Variants in ZPLD1 observed in about 807,000 individuals in gnomAD.
The protein encoded by ZPLD1 is zona pellucida like domain containing 1.
ZPLD1 carries 34 observed loss-of-function variants against 47.2 expected under a neutral mutation model. The observed-to-expected ratio is 0.72, with a 90% CI of 0.55 to 0.96. The LOEUF (loss-of-function observed/expected upper bound fraction) is 0.96. Among genes scored for constraint, ZPLD1 ranks in the 40% least tolerant of loss-of-function variants. The pLI is 0.00. For synonymous variants in ZPLD1, 176 were observed against 186.2 expected, an observed-to-expected ratio of 0.95 and a Z score of 0.45; for missense variants, 512 against 505.8, an observed-to-expected ratio of 1.01 and a Z score of -0.12.
At chr3:102,416,530 AAC>A (rs1156754298) in intron 7 of ZPLD1, among the ~76,000 whole-genome samples, 1 of 151,952 alleles carries the variant, frequency 6.6e-6, no homozygotes, top group Non-Finnish European at 1.5e-5. Flanking sequence ...TATAGAGTAA[AAC>A]ACACATGAGT....
intron 6 of ZPLD1, among the ~76,000 whole-genome samples, chr3:102,390,136 T>C (rs1706478710): frequency 6.6e-6 from 1 of 152,178 alleles, no homozygotes; most frequent in Non-Finnish European, 1.5e-5. Flanking sequence ...GTCTCAGTAG[T>C]TTCTGTGAGA....
At chr3:102,425,715 A>G (rs1270205498) in intron 8 of ZPLD1, among the ~76,000 whole-genome samples, 1 of 151,986 alleles carries the variant, frequency 6.6e-6, no homozygotes, top group Admixed American at 6.6e-5. Context: ...ATTTTCTTAG[A>G]TTATGTTCAT....
exon 8 of ZPLD1, chr3:102,418,066 C>A (rs62274729): frequency 0.16 from 24,921 of 151,740 alleles, 2,121 homozygotes; most frequent in Middle Eastern, 0.22. Context: ...AAAGACATTT[C>A]AAAAAGAGCA....
At chr3:102,388,815 G>A (rs933091568) in intron 6 of ZPLD1, among the ~76,000 whole-genome samples, 3 of 152,140 alleles carry the variant, frequency 2.0e-5, no homozygotes, top group Non-Finnish European at 2.9e-5. Context: ...CTGGGGGGGT[G>A]AGGAATCAGG....
chr3:102,425,037 A>C (rs1202500164), intron 8 of ZPLD1, among the ~76,000 whole-genome samples: 1 of 151,242 alleles, frequency 6.6e-6, no homozygotes, highest in Non-Finnish European at 1.5e-5. Flanking sequence ...ATTTCTTTTT[A>C]GTGAAGAAAG....
At chr3:102,445,106 T>A (rs542015879) in intron 3 of ZPLD1, among the ~76,000 whole-genome samples, 2 of 152,298 alleles carry the variant, frequency 1.3e-5, no homozygotes, top group African/African-American at 4.8e-5. Flanking sequence ...TAGCTGCCTT[T>A]TGATGTGGAC....
chr3:102,461,027 A>G (rs1239360691), intron 6 of ZPLD1, among the ~76,000 whole-genome samples: 1 of 151,946 alleles, frequency 6.6e-6, no homozygotes, highest in Non-Finnish European at 1.5e-5. Flanking sequence ...TTTTAAGTAT[A>G]TCTCTTATAT....
chr3:102,470,391 C>T lies in ZPLD1; in HGVS notation c.934-3C>T, dbSNP rs781168908. The T allele has an allele frequency of 3.1e-6, 5 of 1,613,462 alleles. No homozygotes were observed. Among genetic ancestry groups the T allele is most frequent in the Non-Finnish European group, 3.4e-6 (4 of 1,179,472 alleles). On this transcript the variant is annotated splice_polypyrimidine_tract_variant and splice_region_variant and intron_variant, in intron 9 of 11. Transcript: ENST00000466937. ...ATTTCATTTGTTTTCATTAACACCT[C>T]AGATTTGCAGCCACAGAGAAAGGAG...
intron 1 of ZPLD1, among the ~76,000 whole-genome samples, chr3:102,435,436 G>T (rs1215441070): frequency 6.6e-6 from 1 of 152,162 alleles, no homozygotes; most frequent in Non-Finnish European, 1.5e-5. Flanking sequence ...TTGTATTGTA[G>T]CTTAGCTCTA....
At chr3:102,463,805 C>T (rs898624481) in intron 7 of ZPLD1, among the ~76,000 whole-genome samples, 3 of 150,014 alleles carry the variant, frequency 2.0e-5, no homozygotes, top group Admixed American at 6.7e-5. Context: ...TTTGGGAGGC[C>T]GAGGAGGGTG....
At chr3:102,426,334 A>G (rs1445030096) in intron 8 of ZPLD1, among the ~76,000 whole-genome samples, 1 of 152,106 alleles carries the variant, frequency 6.6e-6, no homozygotes. Context: ...CCTGGCCAAC[A>G]TGGTGAAACC....
intron 1 of ZPLD1, among the ~76,000 whole-genome samples, chr3:102,436,073 A>G (rs945811399): frequency 1.2e-4 from 19 of 152,214 alleles, no homozygotes; most frequent in African/African-American, 4.6e-4. Flanking sequence ...CCTCGTATTC[A>G]TTAAAAAATG....
chr3:102,394,673 T>C (rs192462588), intron 7 of ZPLD1, among the ~76,000 whole-genome samples: 1 of 152,280 alleles, frequency 6.6e-6, no homozygotes, highest in African/African-American at 2.4e-5. Context: ...CTACATTCCT[T>C]AGGATGCGGT....
At chr3:102,431,190 G>A (rs1210309420), upstream of ZPLD1, among the ~76,000 whole-genome samples, 2 of 152,176 alleles carry the variant, frequency 1.3e-5, no homozygotes, top group Admixed American at 6.5e-5. Flanking sequence ...GGCAGGCAAA[G>A]GGAAATAAAT....
chr3:102,475,726 C>T (rs1707749053), intron 10 of ZPLD1, among the ~76,000 whole-genome samples: 1 of 152,022 alleles, frequency 6.6e-6, no homozygotes, highest in African/African-American at 2.4e-5. Flanking sequence ...ATGCATTGCA[C>T]CATTCTAAAG....
At chr3:102,465,647 A>G (rs1239688839) in intron 8 of ZPLD1, among the ~76,000 whole-genome samples, 4 of 152,168 alleles carry the variant, frequency 2.6e-5, no homozygotes, top group Non-Finnish European at 4.4e-5. Context: ...TATGATCATC[A>G]GACTTCTAGT....
chr3:102,388,283 G>C (rs190334101), intron 6 of ZPLD1, among the ~76,000 whole-genome samples: 2 of 151,956 alleles, frequency 1.3e-5, no homozygotes, highest in Non-Finnish European at 2.9e-5. Context: ...TACTGAGAGA[G>C]TATACTCTCT....
chr3:102,437,035 C>G (rs1198728633), intron 2 of ZPLD1, 62 bp downstream of exon 2: 3 of 718,696 alleles, frequency 4.2e-6, no homozygotes, highest in Non-Finnish European at 3.4e-6. Context: ...CTTCCAAAGA[C>G]TCCAAAAGAG....
Position 102,453,133 on chromosome 3 carries a change from C to A in ZPLD1, c.321C>A (p.Asn107Lys), listed in dbSNP as rs756525116. 1 of 1,613,644 alleles carries A rather than the reference C, an allele frequency of 6.2e-7. No individual in the cohort carries two copies. The highest frequency in any genetic ancestry group is 8.5e-7 in the Non-Finnish European group (1 of 1,179,830). The change falls in exon 4 of 12, where the codon AAC becomes AAA. Residue 107 changes from asparagine (N) to lysine (K), a missense_variant. Transcript: ENST00000466937. ...GCACCTTGGAGGGCTGTGGAAACAA[C>A]CTGGTGGTAAGATTAGTGTGACATT... ...NLSTLEGCGNNLVVSTIPGVS... is the reference protein window; with the variant it reads ...NLSTLEGCGNKLVVSTIPGVS...
Sources: allele counts gnomAD v4.1 joint callset (sites outside exome capture counted in the v4.1 genomes callset), GRCh38; gene constraint gnomAD v4.1.1; transcripts MANE v1.5; gene names NCBI Gene and HGNC (gene_info 2026-07-23, HGNC 2026-07-21).